Variants in NADK2 observed in about 807,000 individuals in gnomAD.
The protein encoded by NADK2 is NAD kinase 2, mitochondrial, also known as NAD kinase domain-containing protein 1, mitochondrial.
A neutral mutation model predicts 62.1 loss-of-function variants in NADK2; 35 were observed. The ratio of observed to expected loss-of-function variants is 0.56; its 90% CI spans 0.43 to 0.75. The LOEUF (loss-of-function observed/expected upper bound fraction) is 0.75. Ranked by LOEUF, NADK2 falls within the 30% of genes least tolerant of loss-of-function variation. The pLI is 0.00. For synonymous variants in NADK2, 205 were observed against 207.9 expected, an observed-to-expected ratio of 0.99 and a Z score of 0.12; for missense variants, 439 against 561.3, an observed-to-expected ratio of 0.78 and a Z score of 2.20.
rs1204868492 is a variant in NADK2, at chr5:36,204,517, A to C, written c.956+2653T>G. On this transcript the variant is annotated intron_variant, in intron 8 of 11. Transcript: ENST00000381937. The stretch of plus-strand genomic sequence containing the variant: ...AAGTAGCATAGCATGTTCAACAGGA[A>C]AAATACTATCATCATAAATGACAGA... 2.6e-5 allele frequency among the ~76,000 whole-genome samples: 4 copies of C among 152,282 alleles called. No homozygotes were observed. In the East Asian group the frequency reaches 7.7e-4, roughly 29 times the overall value.
chr5:36,211,928 T>G lies in NADK2; in HGVS notation c.782-6A>C, dbSNP rs748065226. 9 of 1,607,040 alleles carry G rather than the reference T, an allele frequency of 5.6e-6. No homozygotes were observed. The highest frequency in any genetic ancestry group is 7.6e-6 in the Non-Finnish European group (9 of 1,177,248). On this transcript the variant is annotated splice_region_variant and splice_polypyrimidine_tract_variant and intron_variant, in intron 6 of 11. Transcript: ENST00000381937. ...GGGTCCTGAAGCCTCAGACCCTGCA[T>G]GTAATTTAAGACAAAGAAAATCCAA...
At chr5:36,216,036 C>T (rs1441409863) in intron 6 of NADK2, among the ~76,000 whole-genome samples, 1 of 152,128 alleles carries the variant, frequency 6.6e-6, no homozygotes, top group Non-Finnish European at 1.5e-5. Context: ...AATGGCTTTA[C>T]TTATTTACAT....
chr5:36,206,331 T>G (rs1746635880), intron 8 of NADK2, among the ~76,000 whole-genome samples: 2 of 151,130 alleles, frequency 1.3e-5, no homozygotes, highest in Non-Finnish European at 2.9e-5. Flanking sequence ...AAAGGAATAT[T>G]ACTCTGTTGT....
At chr5:36,230,652 C>T (rs781324482) in intron 1 of NADK2, among the ~76,000 whole-genome samples, 27 of 152,126 alleles carry the variant, frequency 1.8e-4, no homozygotes, top group Admixed American at 1.2e-3. Flanking sequence ...AGAAGATAAC[C>T]CAGAAAGTGA....
chr5:36,231,229 G>A (rs1010930236), intron 1 of NADK2, among the ~76,000 whole-genome samples: 1 of 152,176 alleles, frequency 6.6e-6, no homozygotes, highest in African/African-American at 2.4e-5. Context: ...TGGCGAAAGG[G>A]TCTGAATTTG....
intron 11 of NADK2, 108 bp from the exon 12 acceptor site, chr5:36,195,390 GT>G: frequency 8.5e-7 from 1 of 1,177,088 alleles, no homozygotes; most frequent in Non-Finnish European, 1.2e-6. Context: ...TAAAAATCAA[GT>G]TGTTCTCTGG....
At chr5:36,223,278 A>C (rs1227067796) in intron 4 of NADK2, among the ~76,000 whole-genome samples, 1 of 152,176 alleles carries the variant, frequency 6.6e-6, no homozygotes, top group Non-Finnish European at 1.5e-5. Context: ...ACTTCCATAA[A>C]ATAATCACGC....
intron 4 of NADK2, among the ~76,000 whole-genome samples, chr5:36,224,203 T>G (rs1340809925): frequency 6.6e-6 from 1 of 152,100 alleles, no homozygotes; most frequent in African/African-American, 2.4e-5. Flanking sequence ...AACCCAATGA[T>G]CTTTTTTTCC....
chr5:36,207,716 C>T (rs1746693229), intron 7 of NADK2, among the ~76,000 whole-genome samples: 1 of 152,022 alleles, frequency 6.6e-6, no homozygotes, highest in African/African-American at 2.4e-5. Context: ...CTACTAAACT[C>T]TTGTTTCTTA....
chr5:36,213,050 G>A (rs1746908969), intron 6 of NADK2: 1 of 152,142 alleles, frequency 6.6e-6, no homozygotes, highest in African/African-American at 2.4e-5. Context: ...CAACCCTTTG[G>A]AGAGACCAAC....
At chr5:36,224,953 T>G (rs1004205387) in intron 4 of NADK2, among the ~76,000 whole-genome samples, 2 of 152,112 alleles carry the variant, frequency 1.3e-5, no homozygotes, top group Non-Finnish European at 2.9e-5. Context: ...GGTAGCATAA[T>G]GAGGAATATA....
At chr5:36,222,949 G>A (rs769082397) in intron 4 of NADK2, among the ~76,000 whole-genome samples, 7 of 152,118 alleles carry the variant, frequency 4.6e-5, no homozygotes, top group Non-Finnish European at 1.0e-4. Context: ...AATACCACTG[G>A]ATATATCCAA....
Position 36,227,523 on chromosome 5 carries a change from G to A in NADK2, c.343C>T (p.His115Tyr). Residue 115 changes from histidine to tyrosine, a missense_variant, in exon 2 of 12, where the codon CAT becomes TAT. Coordinates refer to ENST00000381937, the MANE Select transcript of NADK2 (RefSeq NM_001085411.3). The stretch of plus-strand genomic sequence containing the variant: ...TCTACATTTTTGGTGTGAATATGAT[G>A]TCGTTCAAGAAGTCCACTGTAACTA... ...GSSYSGLLER[H>Y]HIHTKNVEHI... 1 of 1,559,134 alleles carries A rather than the reference G, an allele frequency of 6.4e-7. No homozygotes were observed. The highest frequency in any genetic ancestry group is 1.4e-5 in the African/African-American group (1 of 73,244).
intron 1 of NADK2, among the ~76,000 whole-genome samples, chr5:36,232,249 T>G (rs1747735562): frequency 6.6e-6 from 1 of 152,238 alleles, no homozygotes; most frequent in Non-Finnish European, 1.5e-5. Context: ...TAAAACTAAA[T>G]TTATTGCAAT....
chr5:36,211,828 A>G lies in NADK2; in HGVS notation c.860+16T>C. 1 of 1,597,452 alleles carries G rather than the reference A, an allele frequency of 6.3e-7. No individual in the cohort carries two copies. Among genetic ancestry groups the G allele is most frequent in the East Asian group, 2.2e-5 (1 of 44,714 alleles). On this transcript the variant is annotated intron_variant, in intron 7 of 11. Coordinates refer to ENST00000381937, the MANE Select transcript of NADK2 (RefSeq NM_001085411.3). The stretch of plus-strand genomic sequence containing the variant: ...AACATTAAATTCCATGCTCAAGATC[A>G]CAGGTTTAAAAGTACCTGGATGACA...
At chr5:36,230,876 A>G (rs1291126235) in intron 1 of NADK2, among the ~76,000 whole-genome samples, 1 of 152,258 alleles carries the variant, frequency 6.6e-6, no homozygotes, top group African/African-American at 2.4e-5. Flanking sequence ...TGTATTAAAC[A>G]AGGCACTGCA....
At chr5:36,198,715 C>G (rs1171618231) in intron 10 of NADK2, among the ~76,000 whole-genome samples, 2 of 150,548 alleles carry the variant, frequency 1.3e-5, no homozygotes, top group African/African-American at 4.9e-5. Flanking sequence ...GAAGCAATTA[C>G]TATATATACC....
At chr5:36,212,182 T>G (rs890075825) in intron 6 of NADK2, 9 of 277,028 alleles carry the variant, frequency 3.2e-5, no homozygotes, top group African/African-American at 1.8e-4. Flanking sequence ...TTCTCAAGAG[T>G]GATGAACTAT....
chr5:36,233,672 T>A (rs888078237), intron 1 of NADK2, among the ~76,000 whole-genome samples: 1 of 152,184 alleles, frequency 6.6e-6, no homozygotes, highest in African/African-American at 2.4e-5. Context: ...ATCTTTTATT[T>A]AAAGATGTTT....
Sources: gnomAD v4.1 joint callset for allele counts (sites outside exome capture counted in the v4.1 genomes callset) on GRCh38, gnomAD v4.1.1 for gene constraint, MANE v1.5 for transcripts, NCBI Gene and HGNC (gene_info 2026-07-23, HGNC 2026-07-21) for gene names.